CTNNA3: variants seen among roughly 807,000 people sequenced by gnomAD.
CTNNA3 encodes the protein catenin alpha-3.
CTNNA3 carries 76 observed loss-of-function variants against 95.7 expected under a neutral mutation model. The observed-to-expected ratio is 0.79, with a 90% CI of 0.66 to 0.96. The LOEUF is 0.96. CTNNA3 is among the 40% of genes least tolerant of loss of function. The pLI, the probability that CTNNA3 is intolerant of heterozygous loss-of-function variation, is 0.00. For missense variants in CTNNA3, 1,191 were observed against 1,089.8 expected (o/e 1.09, Z -1.31); for synonymous variants, 431 against 374.4 (o/e 1.15, Z -1.74).
intron 10 of CTNNA3, among the ~76,000 whole-genome samples, chr10:66,563,733 T>A (rs988334072): frequency 6.6e-6 from 1 of 152,092 alleles, no homozygotes; most frequent in African/African-American, 2.4e-5. Flanking sequence ...AACTAAGTCA[T>A]CCCTCTGCTC....
rs12221447 is a variant in CTNNA3 at position 66,898,232 on chromosome 10, A to C, written c.1048-122708T>G. ...CCAATCACTTATCATTAGAGAGAGT[A>C]GCTTGCATTATTTCTGCCTTCTCTG... is the stretch of plus-strand genomic sequence containing the variant. On this transcript the variant is annotated intron_variant, in intron 7 of 17. Transcript: ENST00000433211. 0.033 allele frequency among the ~76,000 whole-genome samples: 5,027 copies of C among 152,270 alleles called. 428 individuals carry two copies. In the East Asian group the frequency reaches 0.36, roughly 11 times the overall value.
rs1442654649 is a variant in CTNNA3 at position 66,825,281 on chromosome 10, A to AT, written c.1048-49758dup. On this transcript the variant is annotated intron_variant, in intron 7 of 17. Transcript: ENST00000433211. ...AAAATGTATATATACATATATATAT[A>AT]TATTTTTTTTTTGAGATGGAGTCGT... Among the ~76,000 whole-genome samples the AT allele has an allele frequency of 6.2e-3, 838 of 134,730 alleles. 9 individuals carry two copies. Among genetic ancestry groups the AT allele is most frequent in the East Asian group, 0.042 (129 of 3,082 alleles). 88.4% of individuals were successfully genotyped at this position (134,730 alleles called of 152,430 possible). A position where few individuals can be genotyped will look rare whatever the true frequency, so the allele number is the denominator to read the frequency against.
At chr10:66,581,413 AT>A (rs3053825) in intron 10 of CTNNA3, among the ~76,000 whole-genome samples, 110 of 148,048 alleles carry the variant, frequency 7.4e-4, no homozygotes, top group African/African-American at 1.9e-3. Context: ...TCTTTTGGGG[AT>A]TTTTTTTTTT....
chr10:65,957,547 T>C (rs917946736), intron 17 of CTNNA3, among the ~76,000 whole-genome samples: 3 of 152,204 alleles, frequency 2.0e-5, no homozygotes, highest in Admixed American at 1.3e-4. Flanking sequence ...CTTTCCATGT[T>C]TAGTGCTTCC....
At chr10:66,749,802 T>A (rs1228952183) in intron 9 of CTNNA3, among the ~76,000 whole-genome samples, 1 of 152,208 alleles carries the variant, frequency 6.6e-6, no homozygotes, top group Non-Finnish European at 1.5e-5. Flanking sequence ...TCTTCCAAAG[T>A]GGCTGTACCA....
intron 2 of CTNNA3, among the ~76,000 whole-genome samples, chr10:67,629,233 T>C (rs1049699344): frequency 6.6e-6 from 1 of 152,214 alleles, no homozygotes; most frequent in African/African-American, 2.4e-5. Flanking sequence ...TTATATGTCC[T>C]TTCTCCTATT....
At chr10:67,303,927 A>C (rs1840431331) in intron 5 of CTNNA3, among the ~76,000 whole-genome samples, 1 of 152,186 alleles carries the variant, frequency 6.6e-6, no homozygotes, top group Non-Finnish European at 1.5e-5. Context: ...CACAAGCTAC[A>C]ACCTACTGAC....
At chr10:67,644,878 A>G (rs1195220873) in intron 2 of CTNNA3, among the ~76,000 whole-genome samples, 1 of 152,134 alleles carries the variant, frequency 6.6e-6, no homozygotes, top group African/African-American at 2.4e-5. Flanking sequence ...CTATTTTGAA[A>G]ACATTGACAT....
chr10:66,104,734 T>G (rs143135986), intron 13 of CTNNA3, among the ~76,000 whole-genome samples: 145 of 152,290 alleles, frequency 9.5e-4, no homozygotes, highest in African/African-American at 3.4e-3. Flanking sequence ...GTAGAAGATG[T>G]CCTTGGGCCT....
At chr10:66,597,608 ACT>A (rs1371252776) in intron 10 of CTNNA3, among the ~76,000 whole-genome samples, 1 of 146,916 alleles carries the variant, frequency 6.8e-6, no homozygotes, top group Non-Finnish European at 1.5e-5. Flanking sequence ...GTTACAAGAA[ACT>A]CTGAACACAG....
chr10:66,491,947 A>T (rs915654661), intron 11 of CTNNA3, among the ~76,000 whole-genome samples: 4 of 151,282 alleles, frequency 2.6e-5, no homozygotes, highest in Non-Finnish European at 5.9e-5. Flanking sequence ...TCTATCCATC[A>T]TTTCAAATTC....
chr10:67,508,082 T>C (rs928696157), intron 5 of CTNNA3, among the ~76,000 whole-genome samples: 3 of 152,148 alleles, frequency 2.0e-5, no homozygotes, highest in African/African-American at 7.2e-5. Flanking sequence ...GGCGCAATTG[T>C]AGCTCATTAC....
At chr10:67,479,539 A>G (rs1848140930) in intron 5 of CTNNA3, among the ~76,000 whole-genome samples, 2 of 152,160 alleles carry the variant, frequency 1.3e-5, no homozygotes, top group Admixed American at 6.6e-5. Flanking sequence ...AAGTAAAAAA[A>G]TTATTTAATA....
intron 13 of CTNNA3, among the ~76,000 whole-genome samples, chr10:66,271,736 G>T (rs906857646): frequency 6.9e-6 from 1 of 145,174 alleles, no homozygotes; most frequent in Non-Finnish European, 1.5e-5. Context: ...GGACTAGACT[G>T]CATCAAAGTC....
intron 13 of CTNNA3, among the ~76,000 whole-genome samples, chr10:66,157,863 A>G (rs1209986525): frequency 6.6e-6 from 1 of 151,774 alleles, no homozygotes; most frequent in Non-Finnish European, 1.5e-5. Context: ...TTCTTGCAGG[A>G]GTAAGGTGGT....
intron 9 of CTNNA3, among the ~76,000 whole-genome samples, chr10:66,764,839 A>G (rs1196806818): frequency 6.6e-6 from 1 of 152,238 alleles, no homozygotes; most frequent in Non-Finnish European, 1.5e-5. Flanking sequence ...AAATAATTCA[A>G]TTAATTAAAA....
At chr10:66,450,620 T>C (rs1265732693) in intron 11 of CTNNA3, among the ~76,000 whole-genome samples, 1 of 152,112 alleles carries the variant, frequency 6.6e-6, no homozygotes, top group Non-Finnish European at 1.5e-5. Context: ...CTAGAATATT[T>C]ACACTTAAAA....
chr10:66,967,333 C>CAT (rs558943403), intron 7 of CTNNA3, among the ~76,000 whole-genome samples: 3,556 of 140,874 alleles, frequency 0.025, 72 homozygotes, highest in African/African-American at 0.049. Flanking sequence ...TGGATATAGA[C>CAT]ATATATATAT....
rs181479156 is a variant in CTNNA3 at position 67,469,579 on chromosome 10, G to A, written c.579+52263C>T. On this transcript the variant is annotated intron_variant, in intron 5 of 17. Coordinates refer to ENST00000433211, the MANE Select transcript of CTNNA3 (RefSeq NM_013266.4). ...AACAATGAGAACACATGGACACAGG[G>A]AGGGGAACATCATACACCGGGGCCT... Among the ~76,000 whole-genome samples the A allele has an allele frequency of 3.4e-3, 515 of 150,536 alleles. 8 individuals are homozygous for A. Among genetic ancestry groups the A allele is most frequent in the African/African-American group, 0.012 (495 of 40,804 alleles).
Sources: gnomAD v4.1 joint callset for allele counts (sites outside exome capture counted in the v4.1 genomes callset) on GRCh38, gnomAD v4.1.1 for gene constraint, MANE v1.5 for transcripts, NCBI Gene and HGNC (gene_info 2026-07-23, HGNC 2026-07-21) for gene names.